The following SPMIP11 variants were observed in gnomAD, a reference collection of about 807,000 sequenced individuals.
The protein encoded by SPMIP11 is long intergenic non-protein coding RNA 935.
the SPMIP11 span, chr12:48,764,840 C>G: frequency 5.6e-5 from 39 of 702,572 alleles, no homozygotes; most frequent in East Asian, 3.2e-4. Context: ...CCCTTCCCCC[C>G]ACCCATTCAG....
chr12:48,760,441 G>A, the SPMIP11 span, among the ~76,000 whole-genome samples: 3 of 152,130 alleles, frequency 2.0e-5, no homozygotes, highest in Admixed American at 6.6e-5. Flanking sequence ...GCCTCCCACA[G>A]TGCTGGGATT....
the SPMIP11 span, among the ~76,000 whole-genome samples, chr12:48,762,876 T>C: frequency 1.3e-5 from 2 of 151,748 alleles, no homozygotes; most frequent in Non-Finnish European, 2.9e-5. Context: ...TGGGGAAGAG[T>C]AAAAGGTACA....
the SPMIP11 span, among the ~76,000 whole-genome samples, chr12:48,732,644 C>T: frequency 1.3e-5 from 2 of 151,798 alleles, no homozygotes; most frequent in Admixed American, 6.6e-5. Context: ...GTGACGGACG[C>T]CTGTAATCTC....
the SPMIP11 span, among the ~76,000 whole-genome samples, chr12:48,764,347 T>C: frequency 6.6e-6 from 1 of 152,134 alleles, no homozygotes. Flanking sequence ...TTTAAGAATA[T>C]TTAATACCAC....
the SPMIP11 span, among the ~76,000 whole-genome samples, chr12:48,749,943 G>A: frequency 3.3e-5 from 5 of 151,370 alleles, no homozygotes; most frequent in Non-Finnish European, 5.9e-5. Flanking sequence ...CGCCTGCCTC[G>A]GCCTCCCAAA....
At chr12:48,728,639 C>A in the SPMIP11 span, among the ~76,000 whole-genome samples, 3 of 135,840 alleles carry the variant, frequency 2.2e-5, no homozygotes, top group Middle Eastern at 3.9e-3. Context: ...ACCCGGGAGG[C>A]GGAGCTTGCA....
chr12:48,757,012 G>T, the SPMIP11 span, among the ~76,000 whole-genome samples: 2 of 152,028 alleles, frequency 1.3e-5, no homozygotes, highest in South Asian at 4.1e-4. Flanking sequence ...CTGACCTCAG[G>T]TGATCCATCC....
chr12:48,769,154 G>GA, the SPMIP11 span: 77 of 1,292,630 alleles, frequency 6.0e-5, no homozygotes, highest in Non-Finnish European at 7.4e-5. Flanking sequence ...AGGACCCAGA[G>GA]AAAAAAATGG....
the SPMIP11 span, chr12:48,727,484 G>C: frequency 1.4e-6 from 1 of 702,932 alleles, no homozygotes; most frequent in Non-Finnish European, 2.6e-6. Flanking sequence ...ATCTGAGATG[G>C]CCTTCTTCAA....
At chr12:48,737,931 T>G in the SPMIP11 span, among the ~76,000 whole-genome samples, 75 of 152,030 alleles carry the variant, frequency 4.9e-4, no homozygotes, top group Non-Finnish European at 8.8e-4. Context: ...CAAGCGATGC[T>G]CCCAGCTCAG....
At chr12:48,737,626 G>C in the SPMIP11 span, among the ~76,000 whole-genome samples, 1 of 151,732 alleles carries the variant, frequency 6.6e-6, no homozygotes, top group African/African-American at 2.4e-5. Flanking sequence ...TGTTGGCCAG[G>C]CTGGTCTCGA....
At chr12:48,754,482 G>T in the SPMIP11 span, among the ~76,000 whole-genome samples, 1 of 151,454 alleles carries the variant, frequency 6.6e-6, no homozygotes, top group African/African-American at 2.4e-5. Context: ...ACGGAGTCTC[G>T]CTCTGTCACC....
At chr12:48,749,213 G>T in the SPMIP11 span, among the ~76,000 whole-genome samples, 1 of 150,350 alleles carries the variant, frequency 6.7e-6, no homozygotes, top group African/African-American at 2.4e-5. Flanking sequence ...AGTGGGCTGA[G>T]ATCATGCCAC....
At chr12:48,741,901 A>C in the SPMIP11 span, among the ~76,000 whole-genome samples, 208 of 152,260 alleles carry the variant, frequency 1.4e-3, no homozygotes, top group African/African-American at 4.8e-3. Flanking sequence ...AGCCTCCCTA[A>C]GTAGTGGCAT....
At chr12:48,768,353 A>C in the SPMIP11 span, 2 of 574,768 alleles carry the variant, frequency 3.5e-6, no homozygotes. Context: ...TGGAGAGGGA[A>C]CAGCCCTACC....
the SPMIP11 span, chr12:48,759,445 T>G: frequency 1.6e-6 from 1 of 619,876 alleles, no homozygotes; most frequent in East Asian, 2.9e-5. Flanking sequence ...TCCTAGCACT[T>G]TGGGAGGCCG....
At chr12:48,761,938 G>A in the SPMIP11 span, among the ~76,000 whole-genome samples, 4 of 146,632 alleles carry the variant, frequency 2.7e-5, no homozygotes, top group Non-Finnish European at 4.5e-5. Flanking sequence ...CCCACACAGC[G>A]ATCCTCCTGC....
the SPMIP11 span, among the ~76,000 whole-genome samples, chr12:48,757,650 AAAT>A: frequency 4.6e-4 from 40 of 86,680 alleles, no homozygotes; most frequent in Non-Finnish European, 8.2e-4. Flanking sequence ...TATCTCAAAA[AAAT>A]AAAAATAAAA....
chr12:48,771,333 G>T, the SPMIP11 span: 2 of 483,474 alleles, frequency 4.1e-6, no homozygotes, highest in South Asian at 4.3e-5. This position sits in a 1 kb window ranked among gnomAD's most constrained non-coding sequence, Gnocchi z 4.3. Flanking sequence ...TGGATGTTCA[G>T]GACACTACCT....
Sources: gnomAD v4.1 joint callset for allele counts (sites outside exome capture counted in the v4.1 genomes callset) on GRCh38, gnomAD v4.1.1 for gene constraint, Gnocchi (gnomAD v3.1) non-coding constraint, MANE v1.5 for transcripts, NCBI Gene and HGNC (gene_info 2026-07-23, HGNC 2026-07-21) for gene names.